KCND3: variants seen among roughly 807,000 people sequenced by gnomAD.
The protein encoded by KCND3 is A-type voltage-gated potassium channel KCND3.
A neutral mutation model predicts 51.1 loss-of-function variants in KCND3; 9 were observed. The ratio of observed to expected loss-of-function variants is 0.18; its 90% CI spans 0.11 to 0.31. The LOEUF is 0.31. Among genes scored for constraint, KCND3 ranks in the 10% least tolerant of loss-of-function variants. The pLI, the probability that KCND3 is intolerant of heterozygous loss-of-function variation, is 1.00. For missense variants in KCND3, 526 were observed against 903.8 expected, an observed-to-expected ratio of 0.58 and a Z score of 5.36; for synonymous variants, 349 against 368.0, an observed-to-expected ratio of 0.95 and a Z score of 0.59.
chr1:111,792,478 G>C (rs568869376), intron 2 of KCND3, among the ~76,000 whole-genome samples: 1 of 152,318 alleles, frequency 6.6e-6, no homozygotes, highest in East Asian at 1.9e-4. Context: ...GGATGGCTGT[G>C]GAAAAGGGCT....
chr1:111,782,157 C>T (rs1664416373), intron 3 of KCND3, among the ~76,000 whole-genome samples: 1 of 152,256 alleles, frequency 6.6e-6, no homozygotes, highest in Admixed American at 6.5e-5. Context: ...TCTTGTCACC[C>T]TCTCCCCAAG....
chr1:111,857,192 C>T (rs1052778496), intron 2 of KCND3, among the ~76,000 whole-genome samples: 2 of 152,204 alleles, frequency 1.3e-5, no homozygotes, highest in Admixed American at 6.5e-5. Context: ...TTTGGGTAAG[C>T]CTCACAGCAG....
Position 111,773,237 on chromosome 1 carries a change from A to G in KCND3, c.*2840T>C, listed in dbSNP as rs1321642500. On this transcript the variant is annotated 3_prime_UTR_variant, in exon 8 of 8. Coordinates refer to ENST00000302127, the MANE Select transcript of KCND3 (RefSeq NM_001378969.1). ...AAAAAAACATGGGAAATTGCTTGGG[A>G]CATGATATTTAACATTTATTAATTT... 6.6e-6 allele frequency: 1 copy of G among 152,114 alleles called. No homozygotes were observed. The highest frequency in any genetic ancestry group is 2.4e-5 in the African/African-American group (1 of 41,396). The allele number at this position is 152,114 out of a possible 1,614,324, so 9.4% of individuals were successfully genotyped here.
At chr1:111,959,042 A>G (rs1036463083) in intron 2 of KCND3, among the ~76,000 whole-genome samples, 2 of 152,190 alleles carry the variant, frequency 1.3e-5, no homozygotes, top group African/African-American at 4.8e-5. Context: ...ACTCTCGCAC[A>G]CACACTCACA....
intron 2 of KCND3, chr1:111,909,984 A>G (rs1670852562): frequency 6.6e-6 from 1 of 152,138 alleles, no homozygotes; most frequent in African/African-American, 2.4e-5. Flanking sequence ...GTGTCTCCCT[A>G]TCTCCCTACC....
intron 1 of KCND3, among the ~76,000 whole-genome samples, chr1:111,985,213 G>T (rs931925365): frequency 6.6e-6 from 1 of 152,266 alleles, no homozygotes; most frequent in South Asian, 2.1e-4. Context: ...GAGGGCTGAT[G>T]GTGTGCCAGG....
intron 2 of KCND3, among the ~76,000 whole-genome samples, chr1:111,903,749 G>A (rs1326647056): frequency 6.6e-6 from 1 of 152,222 alleles, no homozygotes; most frequent in Non-Finnish European, 1.5e-5. Context: ...CAGTCCCCCA[G>A]ACCCATGGGC....
chr1:111,814,253 C>T (rs995095297), intron 2 of KCND3, among the ~76,000 whole-genome samples: 3 of 143,346 alleles, frequency 2.1e-5, no homozygotes, highest in Non-Finnish European at 3.1e-5. Context: ...GGAGCAGGCT[C>T]GTGGAGGAGC....
intron 2 of KCND3, among the ~76,000 whole-genome samples, chr1:111,960,441 G>A (rs1468871691): frequency 6.6e-6 from 1 of 152,200 alleles, no homozygotes; most frequent in African/African-American, 2.4e-5. Context: ...GTACACCAAG[G>A]GGTGGGGAAC....
At position 111,930,223 on chromosome 1, in the gene KCND3, G is replaced by T. The variant is rs141946004; in HGVS notation, c.1106+51398C>A. Among the ~76,000 whole-genome samples, 482 of 152,166 alleles carry T rather than the reference G, an allele frequency of 3.2e-3. 3 individuals are homozygous for T. Among genetic ancestry groups the T allele is most frequent in the African/African-American group, 0.011 (464 of 41,510 alleles). On this transcript the variant is annotated intron_variant, in intron 2 of 7. Transcript: ENST00000302127. ...ACAGAAAATTGGCTTGAAAACTGAG[G>T]TGACAAGGAACAGGAGGGCATCCCT... is the stretch of plus-strand genomic sequence containing the variant.
At chr1:111,903,338 A>G (rs1365247488) in intron 2 of KCND3, among the ~76,000 whole-genome samples, 1 of 152,240 alleles carries the variant, frequency 6.6e-6, no homozygotes, top group Non-Finnish European at 1.5e-5. Flanking sequence ...GTGACATTCA[A>G]CACGGATGTA....
intron 2 of KCND3, among the ~76,000 whole-genome samples, chr1:111,812,280 C>T (rs1266329739): frequency 1.3e-5 from 2 of 152,160 alleles, no homozygotes; most frequent in African/African-American, 4.8e-5. Context: ...AGCTGCCCAG[C>T]TGATTTTGCC....
rs575769414 is a variant in KCND3, at chr1:111,984,826, T to C, written c.-72-2028A>G. 3.5e-3 allele frequency among the ~76,000 whole-genome samples: 529 copies of C among 152,132 alleles called. 4 individuals are homozygous for C. Among genetic ancestry groups the C allele is most frequent in the Non-Finnish European group, 5.1e-3 (345 of 68,008 alleles). Reference sequence around the variant, plus strand: ...TGAGAATATCCTTCCCCTGGACCCCTCCTATTAGAATCCTACCTATTCATC... The same window carrying C: ...TGAGAATATCCTTCCCCTGGACCCCCCCTATTAGAATCCTACCTATTCATC... On this transcript the variant is annotated intron_variant, in intron 1 of 7. Coordinates refer to ENST00000302127, the MANE Select transcript of KCND3 (RefSeq NM_001378969.1).
chr1:111,930,190 TC>T (rs1671899323), intron 2 of KCND3, among the ~76,000 whole-genome samples: 1 of 151,992 alleles, frequency 6.6e-6, no homozygotes, highest in Non-Finnish European at 1.5e-5. Flanking sequence ...TAAGTTGTGT[TC>T]AAAGTCACAG....
chr1:111,892,915 C>A (rs752164716), intron 2 of KCND3, among the ~76,000 whole-genome samples: 2 of 152,180 alleles, frequency 1.3e-5, no homozygotes, highest in Non-Finnish European at 2.9e-5. Context: ...GACGACACAC[C>A]AAAGTATCCT....
intron 2 of KCND3, among the ~76,000 whole-genome samples, chr1:111,943,472 C>G (rs1400720566): frequency 3.3e-5 from 5 of 152,192 alleles, no homozygotes; most frequent in Non-Finnish European, 7.4e-5. Flanking sequence ...GGGGAGGAGG[C>G]TGTGGTCCAG....
At chr1:111,898,494 G>A (rs1670230558) in intron 2 of KCND3, among the ~76,000 whole-genome samples, 1 of 152,190 alleles carries the variant, frequency 6.6e-6, no homozygotes, top group Non-Finnish European at 1.5e-5. Context: ...TCCCTGGGGA[G>A]ACTACAAGCT....
At chr1:111,826,520 C>T (rs1303436052) in intron 2 of KCND3, among the ~76,000 whole-genome samples, 2 of 152,160 alleles carry the variant, frequency 1.3e-5, no homozygotes, top group African/African-American at 4.8e-5. Flanking sequence ...CCATCATCTG[C>T]CATGAACATA....
At chr1:111,881,241 A>G (rs1669293362) in intron 2 of KCND3, among the ~76,000 whole-genome samples, 1 of 152,140 alleles carries the variant, frequency 6.6e-6, no homozygotes, top group South Asian at 2.1e-4. Context: ...TTTAATCCCA[A>G]GCAAGCAATT....
Sources: allele counts gnomAD v4.1 joint callset (sites outside exome capture counted in the v4.1 genomes callset), GRCh38; gene constraint gnomAD v4.1.1; transcripts MANE v1.5; gene names NCBI Gene and HGNC (gene_info 2026-07-23, HGNC 2026-07-21).